The following COBLL1 variants were observed in gnomAD, a reference collection of about 807,000 sequenced individuals.
The protein encoded by COBLL1 is cordon-bleu protein-like 1.
In COBLL1, 50 loss-of-function variants were observed where a neutral mutation model predicts 94.8. The ratio of observed to expected loss-of-function variants is 0.53; its 90% CI spans 0.42 to 0.67. The LOEUF is 0.67. COBLL1 is among the 30% of genes least tolerant of loss of function. The probability of loss-of-function intolerance (pLI) is 0.00; values close to 1 mark genes in which losing one functional copy is unlikely to be tolerated. For missense variants in COBLL1, 1,362 were observed against 1,348.7 expected (o/e 1.01, Z -0.15); for synonymous variants, 448 against 473.8 (o/e 0.95, Z 0.71).
At chr2:164,794,515 A>G (rs1456515769) in intron 2 of COBLL1, among the ~76,000 whole-genome samples, 1 of 152,092 alleles carries the variant, frequency 6.6e-6, no homozygotes, top group Non-Finnish European at 1.5e-5. Flanking sequence ...AGATTAGGGA[A>G]AATGCAGACA....
At chr2:164,811,623 G>A (rs1385251017) in intron 2 of COBLL1, among the ~76,000 whole-genome samples, 1 of 151,606 alleles carries the variant, frequency 6.6e-6, no homozygotes, top group African/African-American at 2.4e-5. Flanking sequence ...ATTTTAAAAT[G>A]GTATTCTGAC....
intron 2 of COBLL1, among the ~76,000 whole-genome samples, chr2:164,767,849 T>C (rs568896773): frequency 6.6e-6 from 1 of 152,274 alleles, no homozygotes; most frequent in East Asian, 1.9e-4. Context: ...TAAATTACAT[T>C]ATTAAAATAA....
intron 3 of COBLL1, among the ~76,000 whole-genome samples, chr2:164,731,452 A>G (rs1188251171): frequency 1.3e-5 from 2 of 152,138 alleles, no homozygotes; most frequent in African/African-American, 4.8e-5. Flanking sequence ...CATTCATATC[A>G]CTGACAGAAC....
At chr2:164,782,979 A>T (rs1688784788) in intron 2 of COBLL1, among the ~76,000 whole-genome samples, 2 of 151,864 alleles carry the variant, frequency 1.3e-5, no homozygotes, top group Non-Finnish European at 2.9e-5. Context: ...TTGCTTTCCC[A>T]TTTTTTTTCA....
chr2:164,737,676 C>T (rs1686379001), intron 3 of COBLL1, among the ~76,000 whole-genome samples: 2 of 152,086 alleles, frequency 1.3e-5, no homozygotes, highest in African/African-American at 4.8e-5. Flanking sequence ...ATAAATATGA[C>T]GTGAACTTCA....
intron 9 of COBLL1, chr2:164,703,622 A>C (rs1403648395): frequency 2.4e-6 from 1 of 425,244 alleles, no homozygotes; most frequent in East Asian, 8.4e-5. Context: ...CCAAATTCTT[A>C]AATACCACTT....
intron 11 of COBLL1, chr2:164,698,321 T>C (rs1052576482): frequency 2.0e-5 from 3 of 151,448 alleles, no homozygotes; most frequent in Non-Finnish European, 4.4e-5. Context: ...TGGTATTGAA[T>C]GTGGGAGAAA....
chr2:164,695,857 A>C, intron 11 of COBLL1, 21 bp from the exon 12 acceptor site: 1 of 1,512,960 alleles, frequency 6.6e-7, no homozygotes, highest in Admixed American at 2.2e-5. Flanking sequence ...AAAATCATCA[A>C]GTTAAATATA....
chr2:164,725,467 G>T (rs747806994), intron 5 of COBLL1, among the ~76,000 whole-genome samples: 16 of 151,810 alleles, frequency 1.1e-4, no homozygotes, highest in South Asian at 2.1e-4. Flanking sequence ...ACCCAGTCTG[G>T]AGTGCACTGG....
intron 2 of COBLL1, among the ~76,000 whole-genome samples, chr2:164,801,307 C>T (rs1454670592): frequency 5.3e-5 from 8 of 150,468 alleles, no homozygotes; most frequent in Non-Finnish European, 1.2e-4. Flanking sequence ...GGCGTGGTAG[C>T]GGGCGCCTGT....
At chr2:164,795,451 G>A (rs771725861) in intron 2 of COBLL1, among the ~76,000 whole-genome samples, 11 of 151,912 alleles carry the variant, frequency 7.2e-5, no homozygotes, top group South Asian at 4.2e-4. Flanking sequence ...CTATTAATTC[G>A]TTATATTTTA....
intron 4 of COBLL1, 39 bp downstream of exon 4, chr2:164,729,875 G>C: frequency 1.3e-6 from 2 of 1,518,750 alleles, no homozygotes; most frequent in Non-Finnish European, 1.8e-6. Context: ...TGCTGATAAT[G>C]ACTGAATAAG....
intron 10 of COBLL1, among the ~76,000 whole-genome samples, chr2:164,699,988 G>C (rs1684165579): frequency 6.6e-6 from 1 of 151,898 alleles, no homozygotes; most frequent in Admixed American, 6.6e-5. Context: ...TATTTTGCTT[G>C]GTTGATTTCA....
chr2:164,711,366 G>C (rs905390943), intron 7 of COBLL1, among the ~76,000 whole-genome samples: 1 of 152,192 alleles, frequency 6.6e-6, no homozygotes, highest in Admixed American at 6.5e-5. Flanking sequence ...ATAGGTAAAA[G>C]GAGGTATTTA....
At chr2:164,713,661 C>G (rs971909714) in intron 7 of COBLL1, among the ~76,000 whole-genome samples, 2 of 152,122 alleles carry the variant, frequency 1.3e-5, no homozygotes, top group African/African-American at 4.8e-5. Flanking sequence ...ACTCATTAAC[C>G]TAAGCATGTC....
intron 2 of COBLL1, among the ~76,000 whole-genome samples, chr2:164,662,566 C>T (rs907440799): frequency 1.1e-4 from 16 of 152,128 alleles, no homozygotes; most frequent in African/African-American, 3.6e-4. Flanking sequence ...TATGTCCCTG[C>T]CAAATCTCAT....
intron 3 of COBLL1, chr2:164,738,363 C>T (rs966546223): frequency 1.3e-5 from 2 of 152,096 alleles, no homozygotes; most frequent in African/African-American, 4.8e-5. Context: ...AAGCTGATAC[C>T]CGACTATAAG....
At position 164,685,936 on chromosome 2, in the gene COBLL1, A is replaced by G. The variant is rs773052861; in HGVS notation, c.*10T>C. On this transcript the variant is annotated 3_prime_UTR_variant, in exon 14 of 14. Transcript: ENST00000652658. The stretch of plus-strand genomic sequence containing the variant: ...TGGAAGTGAAGTGCAGTGGTGTGGC[A>G]GGGTAACATTTAATGGCCGTCCTGG... 2 of 1,563,124 alleles carry G rather than the reference A, an allele frequency of 1.3e-6. No individual in the cohort carries two copies. Among genetic ancestry groups the G allele is most frequent in the Non-Finnish European group, 8.8e-7 (1 of 1,135,758 alleles).
rs6739705 is a variant in COBLL1, at chr2:164,760,158, A to G, written c.42-16283T>C. Among the ~76,000 whole-genome samples the G allele has an allele frequency of 7.1e-3, 1,080 of 152,320 alleles. 11 individuals carry two copies. The highest frequency in any genetic ancestry group is 0.025 in the African/African-American group (1,041 of 41,576). The stretch of plus-strand genomic sequence containing the variant: ...CTGGAAACAACCCAAATGTGCTCCC[A>G]TGGGAGAAACAATAAAAAACTATGA... On this transcript the variant is annotated intron_variant, in intron 2 of 13. Coordinates refer to ENST00000652658, the MANE Select transcript of COBLL1 (RefSeq NM_001365672.2).
Sources: gnomAD v4.1 joint callset for allele counts (sites outside exome capture counted in the v4.1 genomes callset) on GRCh38, gnomAD v4.1.1 for gene constraint, MANE v1.5 for transcripts, NCBI Gene and HGNC (gene_info 2026-07-23, HGNC 2026-07-21) for gene names.